The following OPTN variants were observed in gnomAD, a reference collection of about 807,000 sequenced individuals.
OPTN encodes the protein optineurin, also known as E3-14.7K-interacting protein.
Under a neutral mutation model 70.4 loss-of-function variants are expected in OPTN, and 54 were observed. That is an observed-to-expected ratio of 0.77 (90% confidence interval 0.62 to 0.96). The LOEUF (loss-of-function observed/expected upper bound fraction) is 0.96. Among genes scored for constraint, OPTN ranks in the 40% least tolerant of loss-of-function variants. The probability of loss-of-function intolerance (pLI) is 0.00; values close to 1 mark genes in which losing one functional copy is unlikely to be tolerated. For missense variants in OPTN, 624 were observed against 673.2 expected (o/e 0.93, Z 0.81); for synonymous variants, 256 against 248.5 (o/e 1.03, Z -0.28).
intron 1 of OPTN, among the ~76,000 whole-genome samples, chr10:13,106,825 T>C (rs1330000490): frequency 6.6e-6 from 1 of 152,240 alleles, no homozygotes; most frequent in Admixed American, 6.5e-5. Context: ...AAACAGGCAG[T>C]GCTCTTATCT....
chr10:13,122,239 T>A, intron 7 of OPTN, 146 bp from the exon 8 acceptor site: 1 of 659,378 alleles, frequency 1.5e-6, no homozygotes, highest in Non-Finnish European at 2.8e-6. Flanking sequence ...AAACTAATGC[T>A]AATATAGTGA....
At chr10:13,126,169 A>G in intron 11 of OPTN, 130 bp downstream of exon 11, 1 of 670,234 alleles carries the variant, frequency 1.5e-6, no homozygotes, top group Non-Finnish European at 2.7e-6. Context: ...ATGTATCATT[A>G]TTTCTTGCAT....
intron 11 of OPTN, among the ~76,000 whole-genome samples, chr10:13,126,537 C>T (rs1180819381): frequency 6.6e-6 from 1 of 152,094 alleles, no homozygotes; most frequent in Non-Finnish European, 1.5e-5. Context: ...GCCTCGGCCT[C>T]CCAAAGTGCT....
chr10:13,125,648 G>C (rs1269240826), intron 10 of OPTN, 81 bp downstream of exon 10: 2 of 1,556,106 alleles, frequency 1.3e-6, no homozygotes, highest in East Asian at 4.5e-5. Context: ...ATTCGGATTT[G>C]AGAATAAATT....
intron 8 of OPTN, 39 bp downstream of exon 8, chr10:13,122,526 C>T (rs1157303119): frequency 3.1e-6 from 4 of 1,302,778 alleles, no homozygotes; most frequent in Admixed American, 3.4e-5. Context: ...CACACCCACA[C>T]ACACGAGAGT....
At chr10:13,113,706 A>G (rs1341170806) in intron 5 of OPTN, among the ~76,000 whole-genome samples, 2 of 152,180 alleles carry the variant, frequency 1.3e-5, no homozygotes, top group East Asian at 3.9e-4. Context: ...AGACAAGGAT[A>G]AAATCCTCTG....
In OPTN at chr10:13,111,844, G is replaced by GTTT. The variant is rs34942122; in HGVS notation, c.370-590_370-588dup. Reference sequence around the variant, plus strand: ...TTTGATTTGTATTTGTTTTTTGACTGTTTTTTTTTTTTTTTTTTTTTGAGA... The same window carrying GTTT: ...TTTGATTTGTATTTGTTTTTTGACTGTTTTTTTTTTTTTTTTTTTTTTTTGAGA... On this transcript the variant is annotated intron_variant, in intron 4 of 14. Transcript: ENST00000378747. 6.9e-3 allele frequency among the ~76,000 whole-genome samples: 602 copies of GTTT among 87,710 alleles called. 21 individuals are homozygous for GTTT. Among genetic ancestry groups the GTTT allele is most frequent in the East Asian group, 0.026 (71 of 2,694 alleles). 57.5% of individuals were successfully genotyped at this position (87,710 alleles called of 152,430 possible). A position where few individuals can be genotyped will look rare whatever the true frequency, so the allele number is the denominator to read the frequency against.
intron 1 of OPTN, among the ~76,000 whole-genome samples, chr10:13,105,253 G>A (rs926945402): frequency 2.0e-5 from 3 of 152,320 alleles, no homozygotes; most frequent in Non-Finnish European, 4.4e-5. Flanking sequence ...CATTAGGACA[G>A]TTATAGCTAT....
intron 10 of OPTN, 61 bp from the exon 11 acceptor site, chr10:13,125,885 A>G: frequency 1.6e-6 from 2 of 1,256,794 alleles, no homozygotes; most frequent in Non-Finnish European, 2.3e-6. Context: ...TTGGGAGGCA[A>G]GACTATAAGT....
intron 12 of OPTN, among the ~76,000 whole-genome samples, chr10:13,130,470 C>CTG (rs1380572042): frequency 1.4e-5 from 2 of 142,056 alleles, no homozygotes; most frequent in Non-Finnish European, 3.0e-5. Context: ...ACTGTTCTTA[C>CTG]TGCCTGGGAT....
intron 5 of OPTN, among the ~76,000 whole-genome samples, chr10:13,114,011 G>A (rs560677976): frequency 3.3e-5 from 5 of 152,188 alleles, no homozygotes; most frequent in Middle Eastern, 3.4e-3. Flanking sequence ...ATGCTGCAGT[G>A]TGCCATGATT....
chr10:13,106,061 C>T (rs530107), intron 1 of OPTN, among the ~76,000 whole-genome samples: 119,797 of 152,108 alleles, frequency 0.79, 48,024 homozygotes, highest in Non-Finnish European at 0.88. Context: ...ACCAAACACA[C>T]TTCTAAAAAT....
chr10:13,120,108 G>A (rs887801044), intron 7 of OPTN, among the ~76,000 whole-genome samples: 4 of 149,976 alleles, frequency 2.7e-5, no homozygotes, highest in South Asian at 2.1e-4. Context: ...TCAGTCTCCC[G>A]AGTAGCCGGG....
At chr10:13,113,499 C>T (rs1184975997) in intron 5 of OPTN, among the ~76,000 whole-genome samples, 1 of 152,158 alleles carries the variant, frequency 6.6e-6, no homozygotes, top group African/African-American at 2.4e-5. Context: ...AGTTTGAAGC[C>T]ATTGCTATCA....
At chr10:13,122,631 A>G (rs1043905712) in intron 8 of OPTN, 144 bp downstream of exon 8, 3 of 718,136 alleles carry the variant, frequency 4.2e-6, no homozygotes, top group Non-Finnish European at 7.7e-6. Context: ...TATTCCTTTT[A>G]TATGTCCTTG....
intron 14 of OPTN, among the ~76,000 whole-genome samples, chr10:13,134,037 G>A (rs1206011732): frequency 6.6e-6 from 1 of 152,100 alleles, no homozygotes; most frequent in Non-Finnish European, 1.5e-5. Flanking sequence ...TCGAACTCCT[G>A]ACCTCAACTA....
At chr10:13,134,487 C>T (rs1391615502) in intron 14 of OPTN, among the ~76,000 whole-genome samples, 2 of 152,156 alleles carry the variant, frequency 1.3e-5, no homozygotes, top group African/African-American at 4.8e-5. Flanking sequence ...GGCTGGAGTG[C>T]AGTGGCATGA....
chr10:13,136,131 G>A (rs1216328984), intron 14 of OPTN, among the ~76,000 whole-genome samples: 1 of 152,084 alleles, frequency 6.6e-6, no homozygotes, highest in Non-Finnish European at 1.5e-5. Context: ...AGGCTGCAGT[G>A]AGCTATGATT....
intron 7 of OPTN, among the ~76,000 whole-genome samples, chr10:13,121,674 G>A (rs1287948125): frequency 6.6e-6 from 1 of 152,104 alleles, no homozygotes; most frequent in Non-Finnish European, 1.5e-5. Flanking sequence ...TGTGAATCTG[G>A]TTGCTTCTTG....
Sources: allele counts gnomAD v4.1 joint callset (sites outside exome capture counted in the v4.1 genomes callset), GRCh38; gene constraint gnomAD v4.1.1; transcripts MANE v1.5; gene names NCBI Gene and HGNC (gene_info 2026-07-23, HGNC 2026-07-21).